Variants in ASIC2 observed in about 807,000 individuals in gnomAD.
The protein encoded by ASIC2 is acid-sensing ion channel 2.
In ASIC2, 25 loss-of-function variants were observed where a neutral mutation model predicts 57.3. The ratio of observed to expected loss-of-function variants is 0.44; its 90% CI spans 0.32 to 0.61. ASIC2 has a LOEUF of 0.61. ASIC2 is among the 20% of genes least tolerant of loss of function. ASIC2 has a pLI of 0.06. For synonymous variants in ASIC2, 319 were observed against 307.5 expected (o/e 1.04, Z -0.39); for missense variants, 641 against 738.1 (o/e 0.87, Z 1.52).
chr17:33,560,248 G>A (rs1306394294), intron 1 of ASIC2, among the ~76,000 whole-genome samples: 1 of 152,178 alleles, frequency 6.6e-6, no homozygotes, highest in African/African-American at 2.4e-5. Flanking sequence ...AAACCCTAAA[G>A]GAAGAGAAAA....
At chr17:33,228,211 T>C (rs1907957450) in intron 1 of ASIC2, among the ~76,000 whole-genome samples, 1 of 152,208 alleles carries the variant, frequency 6.6e-6, no homozygotes, top group Non-Finnish European at 1.5e-5. Context: ...GTATGAAGTC[T>C]CCTTTTGGGA....
chr17:33,446,813 C>G (rs1255607995), intron 1 of ASIC2, among the ~76,000 whole-genome samples: 1 of 152,122 alleles, frequency 6.6e-6, no homozygotes, highest in Non-Finnish European at 1.5e-5. Context: ...AATCAGTAGA[C>G]CTGTGTCAAT....
rs574682413 is a variant in ASIC2, at chr17:33,088,212, G to A, written c.987+651C>T. Among the ~76,000 whole-genome samples, 13 of 152,288 alleles carry A rather than the reference G, an allele frequency of 8.5e-5. No individual in the cohort carries two copies. The South Asian group carries it at 2.5e-3, about 29-fold the overall frequency. On this transcript the variant is annotated intron_variant, in intron 3 of 9. Coordinates refer to ENST00000225823, the MANE Select transcript of ASIC2 (RefSeq NM_183377.2). ...GAGATAAAAGAAAGAAACGGAGTCC[G>A]TGTCTCTCCGCAGTCCTGCTTTGAG...
At chr17:33,592,480 T>C (rs1250967287) in intron 1 of ASIC2, among the ~76,000 whole-genome samples, 1 of 152,252 alleles carries the variant, frequency 6.6e-6, no homozygotes, top group Non-Finnish European at 1.5e-5. Context: ...GCATTGTCTA[T>C]AGTGAGTTAG....
intron 1 of ASIC2, among the ~76,000 whole-genome samples, chr17:33,844,181 A>C (rs987293975): frequency 1.3e-5 from 2 of 152,206 alleles, no homozygotes; most frequent in African/African-American, 4.8e-5. Flanking sequence ...ATTGGTGCTA[A>C]AATTTGGTAC....
intron 1 of ASIC2, among the ~76,000 whole-genome samples, chr17:33,183,930 C>T (rs1054817984): frequency 1.3e-5 from 2 of 152,168 alleles, no homozygotes; most frequent in African/African-American, 4.8e-5. Flanking sequence ...TGGGCACATC[C>T]CTTAACGTCT....
rs184735022 is a variant in ASIC2 at position 33,272,127 on chromosome 17, C to A, written c.708+19281G>T. ...GATCTTGGCTCAAATGCCACCTGTT[C>A]ATGCAGGGCTTCCTGACTACATGAG... On this transcript the variant is annotated intron_variant, in intron 1 of 9. Coordinates refer to ENST00000225823, the MANE Select transcript of ASIC2 (RefSeq NM_183377.2). Among the ~76,000 whole-genome samples the A allele has an allele frequency of 9.3e-3, 1,415 of 152,336 alleles. 26 individuals carry two copies. Among genetic ancestry groups the A allele is most frequent in the African/African-American group, 0.032 (1,349 of 41,572 alleles).
At chr17:33,190,110 G>T (rs1254242869) in intron 1 of ASIC2, among the ~76,000 whole-genome samples, 1 of 152,030 alleles carries the variant, frequency 6.6e-6, no homozygotes, top group Non-Finnish European at 1.5e-5. Context: ...TTTTTTCACA[G>T]ATAAAATAAT....
At chr17:33,854,697 C>A (rs62057916) in intron 1 of ASIC2, among the ~76,000 whole-genome samples, 11,630 of 152,124 alleles carry the variant, frequency 0.076, 585 homozygotes, top group Admixed American at 0.12. Context: ...GGGTGAGTGG[C>A]CCCTGTGGAT....
At chr17:33,034,551 G>A (rs1466406273) in intron 3 of ASIC2, among the ~76,000 whole-genome samples, 2 of 152,126 alleles carry the variant, frequency 1.3e-5, no homozygotes, top group African/African-American at 4.8e-5. Flanking sequence ...AACCTATAAT[G>A]TCTTAGTTTT....
chr17:34,036,539 AAAAT>A (rs1907886175), intron 1 of ASIC2: 1 of 148,452 alleles, frequency 6.7e-6, no homozygotes. Context: ...AAAATAAAAT[AAAAT>A]AAAAAATAAA....
At chr17:34,077,099 C>G (rs1222400912) in intron 1 of ASIC2, among the ~76,000 whole-genome samples, 1 of 152,232 alleles carries the variant, frequency 6.6e-6, no homozygotes, top group East Asian at 1.9e-4. Flanking sequence ...AAGGGAGTAC[C>G]TGGGATTCGG....
At position 34,129,111 on chromosome 17, in the gene ASIC2, G is replaced by A. The variant is rs115895507; in HGVS notation, c.555+26867C>T. ...CTCATGAACTATGAGAATAAAAAGCGTATGAATCTAGTTTTTAATAGCTTA... is the reference window on the plus strand; with the variant it reads ...CTCATGAACTATGAGAATAAAAAGCATATGAATCTAGTTTTTAATAGCTTA... On this transcript the variant is annotated intron_variant, in intron 1 of 9. Coordinates refer to the ASIC2 transcript ENST00000359872. Among the ~76,000 whole-genome samples, 1,046 of 152,208 alleles carry A rather than the reference G, an allele frequency of 6.9e-3. 10 individuals carry two copies. Among genetic ancestry groups the A allele is most frequent in the African/African-American group, 0.024 (987 of 41,494 alleles).
intron 1 of ASIC2, chr17:33,794,568 C>T (rs1597878801): frequency 6.6e-6 from 1 of 152,102 alleles, no homozygotes; most frequent in Non-Finnish European, 1.5e-5. Flanking sequence ...CCTGTTAGAC[C>T]TGTTCTTTTG....
At position 34,143,464 on chromosome 17, in the gene ASIC2, T is replaced by C. The variant is rs146547384; in HGVS notation, c.555+12514A>G. 2.2e-3 allele frequency among the ~76,000 whole-genome samples: 341 copies of C among 152,358 alleles called. 1 individual carries two copies. Among genetic ancestry groups the C allele is most frequent in the African/African-American group, 7.9e-3 (328 of 41,588 alleles). The stretch of plus-strand genomic sequence containing the variant: ...TCTTGCTAGACTGGGTTACTTCTTG[T>C]AGGAATGAATTAGTTCCCATGAGAG... On this transcript the variant is annotated intron_variant, in intron 1 of 9. Transcript: ENST00000359872.
intron 7 of ASIC2, among the ~76,000 whole-genome samples, chr17:33,020,123 C>T (rs916064308): frequency 6.6e-6 from 1 of 152,102 alleles, no homozygotes; most frequent in Non-Finnish European, 1.5e-5. Context: ...GGGGAGTCCC[C>T]AGCCTCCTGG....
intron 3 of ASIC2, among the ~76,000 whole-genome samples, chr17:33,034,992 T>C (rs2091902985): frequency 6.6e-6 from 1 of 152,210 alleles, no homozygotes; most frequent in African/African-American, 2.4e-5. Flanking sequence ...CACAAGTCAT[T>C]GGCGTTCTAT....
intron 1 of ASIC2, among the ~76,000 whole-genome samples, chr17:33,406,398 T>C (rs561146814): frequency 2.0e-5 from 3 of 152,294 alleles, no homozygotes; most frequent in Non-Finnish European, 4.4e-5. Context: ...TAATGATGGG[T>C]GGGCCAAGTC....
chr17:33,623,242 T>G (rs563542436), intron 1 of ASIC2, among the ~76,000 whole-genome samples: 33 of 73,886 alleles, frequency 4.5e-4, no homozygotes, highest in South Asian at 3.9e-3. Flanking sequence ...TATCGTTTTT[T>G]TTTGTTTGTT....
Sources: gnomAD v4.1 joint callset for allele counts (sites outside exome capture counted in the v4.1 genomes callset) on GRCh38, gnomAD v4.1.1 for gene constraint, MANE v1.5 for transcripts, NCBI Gene and HGNC (gene_info 2026-07-23, HGNC 2026-07-21) for gene names.